The following PLEKHA4 variants were observed in gnomAD, a reference collection of about 807,000 sequenced individuals.
PLEKHA4 encodes the protein pleckstrin homology domain-containing family A member 4.
A neutral mutation model predicts 94.7 loss-of-function variants in PLEKHA4; 73 were observed. The ratio of observed to expected loss-of-function variants is 0.77; its 90% CI spans 0.64 to 0.94. The LOEUF (loss-of-function observed/expected upper bound fraction) is 0.94, where lower values mean the gene tolerates loss of function less well. Ranked by LOEUF, PLEKHA4 falls within the 40% of genes least tolerant of loss-of-function variation. The pLI, the probability that PLEKHA4 is intolerant of heterozygous loss-of-function variation, is 0.00. For missense variants in PLEKHA4, 1,049 were observed against 1,054.1 expected (o/e 1.00, Z 0.07); for synonymous variants, 449 against 437.1 (o/e 1.03, Z -0.34).
chr19:48,839,159 C>A, intron 18 of PLEKHA4, 46 bp downstream of exon 18: 1 of 1,487,890 alleles, frequency 6.7e-7, no homozygotes, highest in Non-Finnish European at 9.1e-7. Context: ...TTTGCTTTTG[C>A]AAATTTTTTT....
intron 3 of PLEKHA4, among the ~76,000 whole-genome samples, chr19:48,862,640 C>G (rs2036687954): frequency 6.6e-6 from 1 of 152,140 alleles, no homozygotes; most frequent in South Asian, 2.1e-4. Flanking sequence ...TCCCGAGTAG[C>G]TGGGACTACA....
intron 9 of PLEKHA4, among the ~76,000 whole-genome samples, chr19:48,856,604 G>A (rs1443812299): frequency 6.6e-6 from 1 of 152,100 alleles, no homozygotes; most frequent in African/African-American, 2.4e-5. Flanking sequence ...TGTAATCCCA[G>A]CTATTCAGGA....
intron 12 of PLEKHA4, among the ~76,000 whole-genome samples, chr19:48,853,329 G>C (rs1234859207): frequency 6.6e-6 from 1 of 151,964 alleles, no homozygotes; most frequent in Non-Finnish European, 1.5e-5. Context: ...TTAGGAGTTC[G>C]AGACCAGCCT....
chr19:48,839,324 GGTGAA>G (rs1224023989), intron 17 of PLEKHA4, 61 bp from the exon 18 acceptor site: 8 of 1,226,836 alleles, frequency 6.5e-6, no homozygotes, highest in African/African-American at 4.6e-5. Context: ...TCATTTTGAG[GGTGAA>G]GTGAAGGGGG....
Position 48,846,882 on chromosome 19 carries a change from T to G in PLEKHA4, c.1566+1018A>C, listed in dbSNP as rs369988598. 1.2e-4 allele frequency among the ~76,000 whole-genome samples: 18 copies of G among 152,280 alleles called. No homozygotes were observed. In the East Asian group the frequency reaches 3.3e-3, roughly 28 times the overall value. The stretch of plus-strand genomic sequence containing the variant: ...AGCTGCTTTACCTCTCTGAGCCATA[T>G]TTTATTTTATTTGAGACACAGTCTC... On this transcript the variant is annotated intron_variant, in intron 14 of 19. Transcript: ENST00000263265.
chr19:48,844,122 ATT>A (rs2035870458), intron 16 of PLEKHA4, among the ~76,000 whole-genome samples: 2 of 12,010 alleles, frequency 1.7e-4, no homozygotes, highest in South Asian at 3.7e-3. Flanking sequence ...TATTTATTTT[ATT>A]ATTATTATTA....
chr19:48,857,091 T>C (rs572212813), intron 9 of PLEKHA4, among the ~76,000 whole-genome samples: 36 of 151,284 alleles, frequency 2.4e-4, no homozygotes, highest in African/African-American at 8.5e-4. Context: ...GATGTGGCCA[T>C]AAAAAAAACC....
rs769345237 is a variant in PLEKHA4, at chr19:48,841,228, G to A, written c.1826C>T (p.Pro609Leu). The change falls in exon 17 of 20, where the codon CCT becomes CTT. Residue 609 changes from proline to leucine, a missense_variant. Coordinates refer to ENST00000263265, the MANE Select transcript of PLEKHA4 (RefSeq NM_020904.3). ...GAGAAGCCGGGGGGAGGTCGGGCGA[G>A]GGAAGGGCCGTCCACATTCCTGGTT... ...RRNQECGRPF[P>L]RPTSPRLLTL... 6.2e-7 allele frequency: 1 copy of A among 1,613,426 alleles called. No individual in the cohort carries two copies. Among genetic ancestry groups the A allele is most frequent in the Non-Finnish European group, 8.5e-7 (1 of 1,179,856 alleles).
intron 16 of PLEKHA4, among the ~76,000 whole-genome samples, chr19:48,844,119 T>TTATATTA (rs2035868546): frequency 1.5e-5 from 2 of 134,892 alleles, no homozygotes; most frequent in Admixed American, 7.8e-5. Flanking sequence ...CCTTATTTAT[T>TTATATTA]TTATTATTAT....
chr19:48,837,256 TCG>T lies in PLEKHA4; in HGVS notation c.*31_*32del, dbSNP rs773594503. On this transcript the variant is annotated 3_prime_UTR_variant, in exon 20 of 20. Transcript: ENST00000263265. This position sits in a 1 kb window ranked among gnomAD's most constrained non-coding sequence, Gnocchi z 4.3. ...CCGGCGGTACCTCCAGACCACGTCC[TCG>T]CGCTCCGATTGGCTGCCGCTTTTGG... The T allele has an allele frequency of 2.5e-6, 4 of 1,613,980 alleles. No homozygotes were observed. Among genetic ancestry groups the T allele is most frequent in the Non-Finnish European group, 3.4e-6 (4 of 1,179,978 alleles).
chr19:48,850,946 C>G (rs535583120), intron 13 of PLEKHA4, among the ~76,000 whole-genome samples: 2 of 151,896 alleles, frequency 1.3e-5, no homozygotes, highest in Non-Finnish European at 2.9e-5. Flanking sequence ...TCGAGACCAG[C>G]CTGACCAACA....
chr19:48,845,309 C>G, intron 16 of PLEKHA4, 61 bp downstream of exon 16: 3 of 1,527,272 alleles, frequency 2.0e-6, no homozygotes, highest in Middle Eastern at 2.3e-4. Context: ...AGCTGTTTCC[C>G]AGAAGTGTGG....
chr19:48,849,164 C>T (rs2036087917), intron 13 of PLEKHA4, among the ~76,000 whole-genome samples: 1 of 152,128 alleles, frequency 6.6e-6, no homozygotes, highest in Non-Finnish European at 1.5e-5. Context: ...CCTCATCCTC[C>T]TAAAGTGCTG....
Position 48,857,677 on chromosome 19 carries a change from A to G in PLEKHA4, c.973-181T>C, listed in dbSNP as rs556800797. Among the ~76,000 whole-genome samples, 289 of 151,554 alleles carry G rather than the reference A, an allele frequency of 1.9e-3. 1 individual carries two copies. The highest frequency in any genetic ancestry group is 0.01 in the Middle Eastern group (3 of 294). On this transcript the variant is annotated intron_variant, in intron 8 of 19. Coordinates refer to ENST00000263265, the MANE Select transcript of PLEKHA4 (RefSeq NM_020904.3). Reference sequence around the variant, plus strand: ...ACTCAGGGTTAAATGGATTAAGGGCAGTGCAAGATGTGCTTTGTTAAACAG... The same window carrying G: ...ACTCAGGGTTAAATGGATTAAGGGCGGTGCAAGATGTGCTTTGTTAAACAG...
At chr19:48,856,128 G>A (rs2036396292) in intron 9 of PLEKHA4, among the ~76,000 whole-genome samples, 2 of 147,122 alleles carry the variant, frequency 1.4e-5, no homozygotes, top group Non-Finnish European at 1.5e-5. Context: ...CCGAGATCAC[G>A]CCATTGCACT....
intron 8 of PLEKHA4, among the ~76,000 whole-genome samples, chr19:48,858,094 G>A (rs2036494352): frequency 6.6e-6 from 1 of 152,088 alleles, no homozygotes; most frequent in Non-Finnish European, 1.5e-5. Flanking sequence ...CACAGAGGGT[G>A]ATAATAAATG....
chr19:48,841,118 C>T (rs528833189), intron 17 of PLEKHA4, 31 bp downstream of exon 17: 2 of 1,592,938 alleles, frequency 1.3e-6, no homozygotes, highest in South Asian at 1.1e-5. Context: ...ACTACCACCC[C>T]ACCGCCCAGC....
chr19:48,855,990 T>A (rs2036391450), intron 9 of PLEKHA4, among the ~76,000 whole-genome samples: 1 of 148,688 alleles, frequency 6.7e-6, no homozygotes, highest in African/African-American at 2.5e-5. Context: ...CTGACCAACA[T>A]GGAGAAACCC....
At chr19:48,841,627 AAT>A (rs60459653) in intron 16 of PLEKHA4, among the ~76,000 whole-genome samples, 69 of 147,532 alleles carry the variant, frequency 4.7e-4, no homozygotes, top group South Asian at 2.4e-3. Context: ...CTCTGTCTCA[AAT>A]ATATATATAT....
Sources: allele counts gnomAD v4.1 joint callset (sites outside exome capture counted in the v4.1 genomes callset), GRCh38; gene constraint gnomAD v4.1.1; non-coding constraint Gnocchi (gnomAD v3.1); transcripts MANE v1.5; gene names NCBI Gene and HGNC (gene_info 2026-07-23, HGNC 2026-07-21).